Variants in PTPRA observed in about 807,000 individuals in gnomAD.
PTPRA encodes receptor-type tyrosine-protein phosphatase alpha.
In PTPRA, 25 loss-of-function variants were observed where a neutral mutation model predicts 104.8. That is an observed-to-expected ratio of 0.24 (90% CI 0.17 to 0.33). The LOEUF is 0.33. Among genes scored for constraint, PTPRA ranks in the 10% least tolerant of loss-of-function variants. PTPRA has a pLI of 1.00. For missense variants in PTPRA, 765 were observed against 1,015.3 expected, an observed-to-expected ratio of 0.75 and a Z score of 3.35; for synonymous variants, 323 against 368.9, an observed-to-expected ratio of 0.88 and a Z score of 1.43.
intron 2 of PTPRA, among the ~76,000 whole-genome samples, chr20:2,938,247 C>T (rs990256550): frequency 1.3e-5 from 2 of 152,064 alleles, no homozygotes; most frequent in African/African-American, 4.8e-5. Flanking sequence ...GGCAGTGGCT[C>T]GATCTTGGTT....
Position 2,909,860 on chromosome 20 carries a change from T to TAG in PTPRA, c.-128-13346_-128-13345insGA, listed in dbSNP as rs1568648998. Among the ~76,000 whole-genome samples the TAG allele has an allele frequency of 4.0e-3, 533 of 132,910 alleles. 17 individuals carry two copies. Among genetic ancestry groups the TAG allele is most frequent in the Non-Finnish European group, 5.1e-3 (334 of 64,882 alleles). 87.2% of individuals were successfully genotyped at this position (132,910 alleles called of 152,430 possible). ...ATATATAATATAAGATAATATATAT[T>TAG]ATATAATATAATTAAAATATATTAA... is the stretch of plus-strand genomic sequence containing the variant. On this transcript the variant is annotated intron_variant, in intron 1 of 23. Transcript: ENST00000399903.
intron 6 of PTPRA, among the ~76,000 whole-genome samples, chr20:2,983,147 G>C (rs2062758015): frequency 1.3e-5 from 2 of 152,124 alleles, no homozygotes; most frequent in Admixed American, 1.3e-4. Flanking sequence ...AGTCAGAGAA[G>C]ACCTGTGTGG....
intron 1 of PTPRA, among the ~76,000 whole-genome samples, chr20:2,884,518 G>A (rs2090259004): frequency 6.6e-6 from 1 of 152,156 alleles, no homozygotes; most frequent in African/African-American, 2.4e-5. Flanking sequence ...GCATTTCCAT[G>A]ATGATTTATG....
rs535987496 is a variant in PTPRA, at chr20:2,945,216, C to G, written c.-49-2766C>G. 9.2e-5 allele frequency among the ~76,000 whole-genome samples: 14 copies of G among 152,212 alleles called. No homozygotes were observed. The South Asian group carries it at 2.7e-3, about 29-fold the overall frequency. ...TTTTATACCATTCTTGACTAAAATTCTTAATGCTACAGGACTGTTCTTCTT... is the reference window on the plus strand; with the variant it reads ...TTTTATACCATTCTTGACTAAAATTGTTAATGCTACAGGACTGTTCTTCTT... On this transcript the variant is annotated intron_variant, in intron 2 of 23. Transcript: ENST00000399903.
intron 13 of PTPRA, among the ~76,000 whole-genome samples, chr20:3,020,356 C>T (rs1185346281): frequency 6.6e-6 from 1 of 152,178 alleles, no homozygotes; most frequent in East Asian, 1.9e-4. Flanking sequence ...CCTCGGCCTC[C>T]CAAAGTGCTG....
rs1288504981 is a variant in PTPRA at position 3,005,089 on chromosome 20, G to C, written c.772G>C (p.Glu258Gln). Reference protein sequence around the residue: ...LPACPIQATCEAASKEENKEK... With the variant: ...LPACPIQATCQAASKEENKEK... ...TGCATGTCCTATCCAGGCCACCTGT[G>C]AGGCTGCTTCCAAGGAGGAAAACAA... The change falls in exon 10 of 24, where the codon GAG becomes CAG. Residue 258 changes from glutamate (E) to glutamine (Q), a missense_variant. By Grantham distance (29) the Glu-to-Gln change is conservative (BLOSUM62 2). Around this residue, in one of 4 missense-constraint regions of PTPRA, gnomAD observed 245 missense variants for 398.7 expected, o/e 0.61. Transcript: ENST00000399903. 2 of 1,611,846 alleles carry C rather than the reference G, an allele frequency of 1.2e-6. No individual in the cohort carries two copies. Among genetic ancestry groups the C allele is most frequent in the African/African-American group, 2.7e-5 (2 of 74,852 alleles).
chr20:2,977,220 G>A (rs1388035712), intron 6 of PTPRA, among the ~76,000 whole-genome samples: 1 of 151,064 alleles, frequency 6.6e-6, no homozygotes, highest in Non-Finnish European at 1.5e-5. Context: ...AGGTTGCAGT[G>A]AGCCAAGATC....
At chr20:2,904,599 G>A (rs1045053417) in intron 1 of PTPRA, among the ~76,000 whole-genome samples, 16 of 143,664 alleles carry the variant, frequency 1.1e-4, no homozygotes, top group Admixed American at 3.5e-4. Flanking sequence ...AACCCAGGAG[G>A]CAGAGTTGCA....
intron 1 of PTPRA, among the ~76,000 whole-genome samples, chr20:2,879,698 C>G (rs1405354773): frequency 6.6e-6 from 1 of 152,116 alleles, no homozygotes; most frequent in East Asian, 1.9e-4. Context: ...AGATTATAAT[C>G]CATAATTTTA....
intron 5 of PTPRA, among the ~76,000 whole-genome samples, chr20:2,969,200 G>A (rs1216554605): frequency 1.1e-4 from 17 of 150,590 alleles, no homozygotes; most frequent in East Asian, 7.9e-4. Context: ...AGTGAGACCC[G>A]AGACTCTATC....
Position 3,027,754 on chromosome 20 carries a change from C to T in PTPRA, c.1833C>T (p.Leu611=). The T allele has an allele frequency of 6.2e-7, 1 of 1,614,156 alleles. No individual in the cohort carries two copies. Among genetic ancestry groups the T allele is most frequent in the Non-Finnish European group, 8.5e-7 (1 of 1,180,014 alleles). The change falls in exon 20 of 24, where the codon CTC becomes CTT. Residue 611 remains leucine (L), a synonymous_variant. Transcript: ENST00000399903. ...ATATCGCCAGCCAGGGCCCTCTTCT[C>T]CACACAATTGAGGACTTCTGGCGAA... The part of the protein sequence containing the change: ...DSYIASQGPL[L]HTIEDFWRMI...
rs1222105971 is a variant in PTPRA at position 3,018,799 on chromosome 20, G to A, written c.1041+886G>A. 4.4e-5 allele frequency among the ~76,000 whole-genome samples: 6 copies of A among 136,652 alleles called. No homozygotes were observed. In the South Asian group the frequency reaches 7.2e-4, roughly 16 times the overall value. The allele number at this position is 136,652 out of a possible 152,430, so 89.6% of individuals were successfully genotyped here. ...GGGCTCCTCACTTCCCAGTAGGGGC[G>A]GCCGGGCAGAGGCGCCCCTCACCTC... On this transcript the variant is annotated intron_variant, in intron 13 of 23. Coordinates refer to ENST00000399903, the MANE Select transcript of PTPRA (RefSeq NM_001385305.1).
chr20:3,009,306 G>A (rs1414849349), intron 11 of PTPRA, among the ~76,000 whole-genome samples: 1 of 152,090 alleles, frequency 6.6e-6, no homozygotes, highest in African/African-American at 2.4e-5. Flanking sequence ...TCTGCACCCT[G>A]GGATTGGTGG....
intron 7 of PTPRA, 31 bp from the exon 8 acceptor site, chr20:2,988,001 C>A: frequency 6.6e-7 from 1 of 1,518,498 alleles, no homozygotes; most frequent in South Asian, 1.1e-5. Flanking sequence ...CCTCTGTGCT[C>A]CATTCTTCAC....
rs146853356 is a variant in PTPRA, at chr20:2,988,290, G to T, written c.602-48G>T. On this transcript the variant is annotated intron_variant, in intron 8 of 23. Coordinates refer to ENST00000399903, the MANE Select transcript of PTPRA (RefSeq NM_001385305.1). ...ACCCCGTTTAGCCTCCAGAAGAGGGGCTAGGTTCTCAGGGTACCTGACTGA... is the reference window on the plus strand; with the variant it reads ...ACCCCGTTTAGCCTCCAGAAGAGGGTCTAGGTTCTCAGGGTACCTGACTGA... The T allele has an allele frequency of 3.2e-6, 5 of 1,566,920 alleles. No homozygotes were observed. In the African/African-American group the frequency reaches 5.5e-5, roughly 17 times the overall value.
chr20:2,937,613 A>T (rs1233359953), intron 2 of PTPRA, among the ~76,000 whole-genome samples: 1 of 152,234 alleles, frequency 6.6e-6, no homozygotes, highest in Admixed American at 6.5e-5. Flanking sequence ...CATAACATAT[A>T]TATGGATATA....
rs2064912107 is a variant in PTPRA, at chr20:3,022,247, C to G, written c.1328+27C>G. The G allele has an allele frequency of 3.7e-6, 6 of 1,610,700 alleles. No homozygotes were observed. The East Asian group carries it at 1.3e-4, about 36-fold the overall frequency. The stretch of plus-strand genomic sequence containing the variant: ...TCAGTGTGGCCTGACCCTTGTACCC[C>G]CACCCCCACATTTCGCCCCCATGGC... On this transcript the variant is annotated intron_variant, in intron 15 of 23. Coordinates refer to ENST00000399903, the MANE Select transcript of PTPRA (RefSeq NM_001385305.1). This position sits in a 1 kb window ranked among gnomAD's most constrained non-coding sequence, Gnocchi z 4.6.
intron 1 of PTPRA, among the ~76,000 whole-genome samples, chr20:2,883,545 G>A (rs1183953706): frequency 1.5e-5 from 1 of 68,112 alleles, no homozygotes. Context: ...CCAGCTACTC[G>A]GGAGGCTGAG....
intron 3 of PTPRA, among the ~76,000 whole-genome samples, chr20:2,951,817 G>GT (rs1414515533): frequency 6.6e-6 from 1 of 152,172 alleles, no homozygotes; most frequent in Non-Finnish European, 1.5e-5. Context: ...CTTGTGATCT[G>GT]TTGGCCTCAT....
Sources: allele counts gnomAD v4.1 joint callset (sites outside exome capture counted in the v4.1 genomes callset), GRCh38; gene constraint gnomAD v4.1.1; regional missense constraint gnomAD v4.1.1; non-coding constraint Gnocchi (gnomAD v3.1); transcripts MANE v1.5; gene names NCBI Gene and HGNC (gene_info 2026-07-23, HGNC 2026-07-21).